The following RHOU variants were observed in gnomAD, a reference collection of about 807,000 sequenced individuals.
RHOU encodes ras homolog family member U.
A neutral mutation model predicts 12.6 loss-of-function variants in RHOU; 8 were observed. The observed-to-expected ratio is 0.64, with a 90% CI of 0.37 to 1.15. The LOEUF is 1.15. Ranked by LOEUF, RHOU falls within the 50% of genes most tolerant of loss-of-function variation. RHOU has a pLI of 0.01. For missense variants in RHOU, 258 were observed against 347.0 expected (o/e 0.74, Z 2.04); for synonymous variants, 161 against 147.4 (o/e 1.09, Z -0.67).
At chr1:228,720,032 GA>G in the RHOU span, among the ~76,000 whole-genome samples, 1 of 152,004 alleles carries the variant, frequency 6.6e-6, no homozygotes, top group Non-Finnish European at 1.5e-5. Context: ...ATAATCATAA[GA>G]ATTCCTATTA....
Position 228,738,779 on chromosome 1 carries a change from T to C in RHOU, c.321+1048T>C, listed in dbSNP as rs1662664234. Among the ~76,000 whole-genome samples, 1 of 152,194 alleles carries C rather than the reference T, an allele frequency of 6.6e-6. No individual in the cohort carries two copies. Among genetic ancestry groups the C allele is most frequent in the Non-Finnish European group, 1.5e-5 (1 of 68,038 alleles). On this transcript the variant is annotated intron_variant, in intron 2 of 2. Transcript: ENST00000366691. This position sits in a 1 kb window ranked among gnomAD's most constrained non-coding sequence, Gnocchi z 4.2. ...ACACCGGGCTGGTGCAGGCCATAGC[T>C]TGGGAGCACTTCAGCTTGGAAAAAC... is the stretch of plus-strand genomic sequence containing the variant.
At chr1:228,703,073 G>C in the RHOU span, among the ~76,000 whole-genome samples, 1 of 152,088 alleles carries the variant, frequency 6.6e-6, no homozygotes, top group Non-Finnish European at 1.5e-5. Flanking sequence ...TGTACATAAA[G>C]ATCCGGTTAA....
chr1:228,745,996 A>C lies in RHOU; in HGVS notation c.*2256A>C, dbSNP rs2102721290. On this transcript the variant is annotated 3_prime_UTR_variant, in exon 3 of 3. Transcript: ENST00000366691. Reference sequence around the variant, plus strand: ...TTTAGGCCATGGGTGGAAAGTGCTCAGTGAAGTACACCTGTGTGGCCCAGT... The same window carrying C: ...TTTAGGCCATGGGTGGAAAGTGCTCCGTGAAGTACACCTGTGTGGCCCAGT... 1 of 152,392 alleles carries C rather than the reference A, an allele frequency of 6.6e-6. No individual in the cohort carries two copies. The highest frequency in any genetic ancestry group is 2.4e-5 in the African/African-American group (1 of 41,598). The allele number at this position is 152,392 out of a possible 1,614,324, so 9.4% of individuals were successfully genotyped here.
At chr1:228,736,047 G>A in intron 1 of RHOU, 43 bp downstream of exon 1, 1 of 1,554,818 alleles carries the variant, frequency 6.4e-7, no homozygotes, top group Non-Finnish European at 8.6e-7. Flanking sequence ...CGTGGCCGCG[G>A]TCCACCCAGG....
chr1:228,714,880 A>G, the RHOU span, among the ~76,000 whole-genome samples: 2 of 151,172 alleles, frequency 1.3e-5, no homozygotes, highest in African/African-American at 2.4e-5. Flanking sequence ...AGTAGCTGAG[A>G]CTACAGGCAC....
chr1:228,661,650 C>T, the RHOU span, among the ~76,000 whole-genome samples: 2 of 152,200 alleles, frequency 1.3e-5, no homozygotes, highest in Non-Finnish European at 2.9e-5. Context: ...AACTGGATCA[C>T]TTCCTTACAC....
At chr1:228,699,519 A>G in the RHOU span, among the ~76,000 whole-genome samples, 1 of 150,552 alleles carries the variant, frequency 6.6e-6, no homozygotes, top group East Asian at 1.9e-4. Flanking sequence ...CAGAAGATAC[A>G]TGAGTTTCTG....
the RHOU span, among the ~76,000 whole-genome samples, chr1:228,647,472 T>G: frequency 6.6e-6 from 1 of 152,248 alleles, no homozygotes; most frequent in East Asian, 1.9e-4. Context: ...GTTTTCCTGG[T>G]GGTTGGCGAA....
upstream of RHOU, among the ~76,000 whole-genome samples, chr1:228,731,794 G>A (rs139958367): frequency 4.2e-4 from 64 of 151,594 alleles, 1 homozygote; most frequent in African/African-American, 1.4e-3. Context: ...AGGTAGGGGG[G>A]ATGAATGCTC....
chr1:228,691,242 A>G, the RHOU span, among the ~76,000 whole-genome samples: 2 of 152,190 alleles, frequency 1.3e-5, no homozygotes, highest in South Asian at 4.1e-4. Flanking sequence ...CAATAAATCT[A>G]TATTGACACA....
At chr1:228,649,171 AC>A in the RHOU span, among the ~76,000 whole-genome samples, 1 of 152,130 alleles carries the variant, frequency 6.6e-6, no homozygotes, top group Admixed American at 6.6e-5. Context: ...ACCAGCTTTT[AC>A]TTTTTCTAAA....
chr1:228,719,508 T>A, the RHOU span, among the ~76,000 whole-genome samples: 5 of 152,186 alleles, frequency 3.3e-5, no homozygotes, highest in Non-Finnish European at 7.3e-5. Flanking sequence ...GGTTGGTGAA[T>A]CACTTGAGGT....
At chr1:228,647,182 A>G in the RHOU span, among the ~76,000 whole-genome samples, 1 of 152,270 alleles carries the variant, frequency 6.6e-6, no homozygotes, top group East Asian at 1.9e-4. Flanking sequence ...CCCGTGCGAG[A>G]GGACCAACGG....
chr1:228,687,558 G>C, the RHOU span: 1 of 1,557,132 alleles, frequency 6.4e-7, no homozygotes, highest in Non-Finnish European at 8.8e-7. Flanking sequence ...TGATGACTGG[G>C]AGAGCGGGCT....
the RHOU span, among the ~76,000 whole-genome samples, chr1:228,680,636 T>C: frequency 6.6e-6 from 1 of 152,174 alleles, no homozygotes; most frequent in South Asian, 2.1e-4. Flanking sequence ...TTTTTGAAGC[T>C]TTTTTCTAAT....
the RHOU span, among the ~76,000 whole-genome samples, chr1:228,728,188 G>GT: frequency 1.4e-3 from 213 of 152,324 alleles, 2 homozygotes; most frequent in African/African-American, 4.8e-3. Context: ...ACTAATGCAG[G>GT]AAAGGTGCCA....
the RHOU span, among the ~76,000 whole-genome samples, chr1:228,682,765 A>AC: frequency 6.6e-6 from 1 of 152,186 alleles, no homozygotes; most frequent in African/African-American, 2.4e-5. Context: ...AACCGGACCC[A>AC]CCACCATCCA....
the RHOU span, among the ~76,000 whole-genome samples, chr1:228,707,789 C>T: frequency 2.7e-4 from 41 of 152,242 alleles, no homozygotes; most frequent in African/African-American, 9.1e-4. Flanking sequence ...TCACCAGCAA[C>T]GGAACAAAGC....
the RHOU span, among the ~76,000 whole-genome samples, chr1:228,722,340 C>G: frequency 1.3e-5 from 2 of 152,174 alleles, no homozygotes; most frequent in African/African-American, 2.4e-5. Flanking sequence ...AGTCTTTGGG[C>G]CTCTTCTTTC....
Sources: allele counts gnomAD v4.1 joint callset (sites outside exome capture counted in the v4.1 genomes callset), GRCh38; gene constraint gnomAD v4.1.1; non-coding constraint Gnocchi (gnomAD v3.1); transcripts MANE v1.5; gene names NCBI Gene and HGNC (gene_info 2026-07-23, HGNC 2026-07-21).